DBX2: variants seen among roughly 807,000 people sequenced by gnomAD.
The protein encoded by DBX2 is homeobox protein DBX2.
DBX2 carries 16 observed loss-of-function variants against 17.7 expected under a neutral mutation model. The observed-to-expected ratio is 0.90, with a 90% confidence interval of 0.61 to 1.37. The LOEUF (loss-of-function observed/expected upper bound fraction) is 1.37. DBX2 is among the 40% of genes most tolerant of loss of function. DBX2 has a pLI of 0.00. For synonymous variants in DBX2, 255 were observed against 183.8 expected (o/e 1.39, Z -3.13); for missense variants, 538 against 433.8 (o/e 1.24, Z -2.13).
intron 3 of DBX2, 111 bp downstream of exon 3, chr12:45,023,596 G>T: frequency 8.1e-7 from 1 of 1,238,936 alleles, no homozygotes; most frequent in Non-Finnish European, 1.1e-6. Flanking sequence ...TCCATTGTGT[G>T]CCTTAAGAAA....
At chr12:45,049,416 G>A (rs1946517202) in intron 1 of DBX2, among the ~76,000 whole-genome samples, 1 of 152,096 alleles carries the variant, frequency 6.6e-6, no homozygotes, top group Non-Finnish European at 1.5e-5. Flanking sequence ...CTAGCATTTA[G>A]GTTTTACACT....
intron 3 of DBX2, among the ~76,000 whole-genome samples, chr12:45,023,411 T>G (rs1309094954): frequency 6.6e-6 from 1 of 152,172 alleles, no homozygotes; most frequent in African/African-American, 2.4e-5. Flanking sequence ...CTCTCTTCAT[T>G]AGAAAATAAA....
At position 45,016,599 on chromosome 12, in the gene DBX2, T is replaced by G; in HGVS notation, c.707A>C (p.Asn236Thr). ...KESQVKIWFQ[N>T]RRMKWRNSKE... ...GGAATTCCGCCATTTCATCCTCCTG[T>G]TCTGAAACCAAATTTTCACCTATTG... Residue 236 changes from asparagine to threonine, a missense_variant, in exon 4 of 4, where the codon AAC (asparagine) becomes ACC (threonine). Asn to Thr is a moderately conservative substitution (Grantham distance 65, BLOSUM62 0). Coordinates refer to ENST00000332700, the MANE Select transcript of DBX2 (RefSeq NM_001004329.3). 1 of 1,527,098 alleles carries G rather than the reference T, an allele frequency of 6.5e-7. No homozygotes were observed. Among genetic ancestry groups the G allele is most frequent in the African/African-American group, 1.4e-5 (1 of 71,986 alleles). The allele number at this position is 1,527,098 out of a possible 1,614,324, so 94.6% of individuals were successfully genotyped here.
rs114324953 is a variant in DBX2, at chr12:45,049,593, G to A, written c.403+932C>T. ...GGACAATGGAAACTGCTGAAAAAGC[G>A]TCTATTAGTCATTCTGGACAAACCC... is the stretch of plus-strand genomic sequence containing the variant. On this transcript the variant is annotated intron_variant, in intron 1 of 3. Transcript: ENST00000332700. Among the ~76,000 whole-genome samples, 322 of 151,302 alleles carry A rather than the reference G, an allele frequency of 2.1e-3. 1 individual carries two copies. The highest frequency in any genetic ancestry group is 6.8e-3 in the African/African-American group (280 of 41,126).
chr12:45,030,855 A>G (rs1381418420), intron 2 of DBX2, among the ~76,000 whole-genome samples: 1 of 152,170 alleles, frequency 6.6e-6, no homozygotes, highest in South Asian at 2.1e-4. Flanking sequence ...GCTACCAATA[A>G]CACTTTCAGA....
At chr12:45,035,529 T>A (rs1287785043) in intron 2 of DBX2, among the ~76,000 whole-genome samples, 1 of 152,220 alleles carries the variant, frequency 6.6e-6, no homozygotes, top group Admixed American at 6.5e-5. Flanking sequence ...TTCCAACAGT[T>A]CTGGTTGGTT....
chr12:45,027,486 AAAAAT>A (rs1313717458), intron 2 of DBX2, among the ~76,000 whole-genome samples: 1 of 152,238 alleles, frequency 6.6e-6, no homozygotes, highest in Non-Finnish European at 1.5e-5. Flanking sequence ...AATTAGGAGA[AAAAAT>A]AAATATCCAC....
chr12:45,050,536 G>A lies in DBX2; in HGVS notation c.392C>T (p.Pro131Leu), dbSNP rs1354337248. ...APGDRDCTFQ[P>L]SAPAPSKPFL... ...GAGAGCTGGCTCACCTGGCGCTGAA[G>A]GCTGGAAGGTACAGTCTCGGTCCCC... The change falls in exon 1 of 4, where the codon CCT becomes CTT. Residue 131 changes from proline (P) to leucine (L), a missense_variant. Pro to Leu is a moderately conservative substitution (Grantham distance 98, BLOSUM62 -3). Coordinates refer to ENST00000332700, the MANE Select transcript of DBX2 (RefSeq NM_001004329.3). The A allele has an allele frequency of 3.2e-6, 5 of 1,552,038 alleles. No individual in the cohort carries two copies. Among genetic ancestry groups the A allele is most frequent in the Admixed American group, 1.9e-5 (1 of 51,332 alleles).
Position 45,014,911 on chromosome 12 carries a change from T to G in DBX2, c.*1375A>C, listed in dbSNP as rs1334882976. ...CACTAAACCCTCAAAAGACGTTAAC[T>G]TCTCAGACTCTAGTGGAGTTCAGCA... On this transcript the variant is annotated 3_prime_UTR_variant, in exon 4 of 4. Transcript: ENST00000332700. The G allele has an allele frequency of 6.6e-6, 1 of 152,196 alleles. No homozygotes were observed. The highest frequency in any genetic ancestry group is 1.5e-5 in the Non-Finnish European group (1 of 68,018). The allele number at this position is 152,196 out of a possible 1,614,324, so 9.4% of individuals were successfully genotyped here. A position where few individuals can be genotyped will look rare whatever the true frequency, so the allele number is the denominator to read the frequency against.
intron 3 of DBX2, among the ~76,000 whole-genome samples, chr12:45,018,170 G>A (rs1946333332): frequency 6.6e-6 from 1 of 152,096 alleles, no homozygotes; most frequent in African/African-American, 2.4e-5. Flanking sequence ...TTTATTGTTT[G>A]CAGTGGGCAT....
At chr12:45,043,478 G>A (rs191587659) in intron 1 of DBX2, among the ~76,000 whole-genome samples, 1 of 152,158 alleles carries the variant, frequency 6.6e-6, no homozygotes, top group Non-Finnish European at 1.5e-5. Context: ...TCAGAATCCA[G>A]CCACTCTGCT....
intron 1 of DBX2, among the ~76,000 whole-genome samples, chr12:45,046,003 C>G (rs747026224): frequency 6.6e-5 from 10 of 152,118 alleles, no homozygotes; most frequent in Non-Finnish European, 1.3e-4. Flanking sequence ...TTGCCTGCTC[C>G]ATGTACTCCT....
intron 1 of DBX2, among the ~76,000 whole-genome samples, chr12:45,044,712 TC>T (rs1460299754): frequency 1.3e-5 from 2 of 152,188 alleles, no homozygotes; most frequent in Non-Finnish European, 2.9e-5. Flanking sequence ...GGCTTTTTGA[TC>T]TTTGGTTTCA....
intron 2 of DBX2, among the ~76,000 whole-genome samples, chr12:45,032,342 C>T (rs4627135): frequency 6.6e-6 from 1 of 152,158 alleles, no homozygotes; most frequent in African/African-American, 2.4e-5. Flanking sequence ...TCTTACAGTG[C>T]TAAGATTAAT....
At chr12:45,017,727 T>C (rs543878756) in intron 3 of DBX2, among the ~76,000 whole-genome samples, 2 of 152,294 alleles carry the variant, frequency 1.3e-5, no homozygotes, top group African/African-American at 4.8e-5. Flanking sequence ...ACCTCCCTCT[T>C]TATACACTGT....
At position 45,021,810 on chromosome 12, in the gene DBX2, T is replaced by C. The variant is rs148530625; in HGVS notation, c.687+1897A>G. On this transcript the variant is annotated intron_variant, in intron 3 of 3. Transcript: ENST00000332700. ...CAGAAAGATAAGTAACTTTGAGAAC[T>C]ACCGATCCCCTTATTGGGCAGTATA... 4.4e-5 allele frequency among the ~76,000 whole-genome samples: 6 copies of C among 137,716 alleles called. No individual in the cohort carries two copies. The East Asian group carries it at 1.4e-3, about 32-fold the overall frequency. 90.3% of individuals were successfully genotyped at this position (137,716 alleles called of 152,430 possible).
At position 45,050,859 on chromosome 12, in the gene DBX2, G is replaced by A. The variant is rs1223820097; in HGVS notation, c.69C>T (p.Leu23=). The change falls in exon 1 of 4, where the codon CTC becomes CTT. Residue 23 remains leucine (L), a synonymous_variant. Transcript: ENST00000332700. ...CAAAGCCGGGCGCAGCGGGGAGGTT[G>A]AGGAGCGCGGAGGAAGCCACAACGT... ...YWDVVASSAL[L]NLPAAPGFGN... is the part of the protein sequence containing the mutation. The A allele has an allele frequency of 3.3e-6, 5 of 1,535,794 alleles. No individual in the cohort carries two copies. Among genetic ancestry groups the A allele is most frequent in the South Asian group, 2.4e-5 (2 of 81,742 alleles).
chr12:45,029,768 C>G (rs906871817), intron 2 of DBX2, among the ~76,000 whole-genome samples: 2 of 151,634 alleles, frequency 1.3e-5, no homozygotes, highest in African/African-American at 4.8e-5. Flanking sequence ...GAGGCTGAAG[C>G]AGGAATAAGT....
chr12:45,045,088 T>G (rs573246068), intron 1 of DBX2, among the ~76,000 whole-genome samples: 26 of 152,248 alleles, frequency 1.7e-4, no homozygotes, highest in Admixed American at 4.6e-4. Flanking sequence ...AAAATGAGGA[T>G]TCTAACAAGC....
Sources: allele counts gnomAD v4.1 joint callset (sites outside exome capture counted in the v4.1 genomes callset), GRCh38; gene constraint gnomAD v4.1.1; transcripts MANE v1.5; gene names NCBI Gene and HGNC (gene_info 2026-07-23, HGNC 2026-07-21).